Variants in UBN2 observed in about 807,000 individuals in gnomAD.
UBN2 encodes ubinuclein-2.
In UBN2, 35 loss-of-function variants were observed where a neutral mutation model predicts 120.2. The ratio of observed to expected loss-of-function variants is 0.29; its 90% CI spans 0.22 to 0.39. The LOEUF (loss-of-function observed/expected upper bound fraction) is 0.39, where lower values mean the gene tolerates loss of function less well. Among genes scored for constraint, UBN2 ranks in the 10% least tolerant of loss-of-function variants. The pLI is 1.00. For missense variants in UBN2, 1,693 were observed against 1,663.2 expected (o/e 1.02, Z -0.31); for synonymous variants, 661 against 648.7 (o/e 1.02, Z -0.29).
At chr7:139,238,631 C>T (rs779646846) in intron 2 of UBN2, among the ~76,000 whole-genome samples, 2 of 151,910 alleles carry the variant, frequency 1.3e-5, no homozygotes, top group Non-Finnish European at 2.9e-5. Context: ...CATGTTGGCC[C>T]GGCTGGTCTC....
intron 13 of UBN2, among the ~76,000 whole-genome samples, chr7:139,280,249 C>T (rs1248610589): frequency 1.3e-5 from 2 of 152,024 alleles, no homozygotes; most frequent in Non-Finnish European, 2.9e-5. Context: ...GCAGTTAGAT[C>T]CCTAAGACGG....
chr7:139,242,220 GTAGT>G (rs1291608733), intron 2 of UBN2, among the ~76,000 whole-genome samples: 13 of 152,284 alleles, frequency 8.5e-5, no homozygotes, highest in African/African-American at 2.2e-4. Context: ...CTGATACCAA[GTAGT>G]TAGTTTTGAA....
Position 139,300,339 on chromosome 7 carries a change from T to A in UBN2, c.*2503T>A, listed in dbSNP as rs1374497931. The stretch of plus-strand genomic sequence containing the variant: ...GTTGTATGAATCAGTCAAACATCGT[T>A]GTATTTCTGTATAGATAAAGTATGA... On this transcript the variant is annotated 3_prime_UTR_variant, in exon 18 of 18. Coordinates refer to ENST00000473989, the MANE Select transcript of UBN2 (RefSeq NM_173569.4). 1 of 152,092 alleles carries A rather than the reference T, an allele frequency of 6.6e-6. No individual in the cohort carries two copies. Among genetic ancestry groups the A allele is most frequent in the Admixed American group, 6.5e-5 (1 of 15,276 alleles). The allele number at this position is 152,092 out of a possible 1,614,324, so 9.4% of individuals were successfully genotyped here. A position where few individuals can be genotyped will look rare whatever the true frequency, so the allele number is the denominator to read the frequency against.
At chr7:139,319,949 G>A in the UBN2 span, among the ~76,000 whole-genome samples, 5 of 151,566 alleles carry the variant, frequency 3.3e-5, no homozygotes, top group African/African-American at 9.7e-5. Context: ...GGTGGCGGGT[G>A]CCTGTAGTCC....
the UBN2 span, among the ~76,000 whole-genome samples, chr7:139,327,136 C>T: frequency 9.9e-5 from 15 of 152,174 alleles, no homozygotes; most frequent in African/African-American, 2.7e-4. Flanking sequence ...CGGGTTCAAG[C>T]GATTATCCTG....
At chr7:139,313,287 A>G in the UBN2 span, among the ~76,000 whole-genome samples, 2 of 152,152 alleles carry the variant, frequency 1.3e-5, no homozygotes, top group Admixed American at 6.6e-5. Context: ...GTGTCTTCCA[A>G]TAAAGCTTTT....
intron 3 of UBN2, 55 bp from the exon 4 acceptor site, chr7:139,258,433 T>G: frequency 7.2e-7 from 1 of 1,388,084 alleles, no homozygotes; most frequent in Non-Finnish European, 9.5e-7. Context: ...TCTTTGACAT[T>G]TATAGAGTTA....
rs56298671 is a variant in UBN2 at position 139,302,775 on chromosome 7, A to AACACACACAC, written c.*4956_*4965dup. ...TCTGCTTGTAGAAGTTAACAATAAC[A>AACACACACAC]ACACACACACACACACACACACACA... is the stretch of plus-strand genomic sequence containing the variant. On this transcript the variant is annotated 3_prime_UTR_variant, in exon 18 of 18. Transcript: ENST00000473989. 1.7e-4 allele frequency: 26 copies of AACACACACAC among 149,578 alleles called. No individual in the cohort carries two copies. Among genetic ancestry groups the AACACACACAC allele is most frequent in the African/African-American group, 6.1e-4 (25 of 41,000 alleles). The allele number at this position is 149,578 out of a possible 1,614,324, so 9.3% of individuals were successfully genotyped here. A position where few individuals can be genotyped will look rare whatever the true frequency, so the allele number is the denominator to read the frequency against.
chr7:139,274,785 A>G (rs1475765524), intron 11 of UBN2, among the ~76,000 whole-genome samples: 1 of 151,772 alleles, frequency 6.6e-6, no homozygotes, highest in East Asian at 1.9e-4. Context: ...AAGAAAAAGA[A>G]AAAAGAAAAT....
chr7:139,325,636 A>G, the UBN2 span, among the ~76,000 whole-genome samples: 17 of 152,306 alleles, frequency 1.1e-4, no homozygotes, highest in African/African-American at 3.6e-4. Context: ...ACACGCATGT[A>G]TACTCTGATG....
chr7:139,256,652 CAGTT>C lies in UBN2; in HGVS notation c.664-1831_664-1828del, dbSNP rs555615842. On this transcript the variant is annotated intron_variant, in intron 3 of 17. Transcript: ENST00000473989. ...GAGTACAGGTGTTTTTATCTTATCACAGTTAGTTTTCGAAATTATTACTGTCTTT... is the reference window on the plus strand; with the variant it reads ...GAGTACAGGTGTTTTTATCTTATCACAGTTTTCGAAATTATTACTGTCTTT... 1.4e-3 allele frequency among the ~76,000 whole-genome samples: 218 copies of C among 152,262 alleles called. 1 individual carries two copies. Among genetic ancestry groups the C allele is most frequent in the Non-Finnish European group, 2.8e-3 (188 of 68,006 alleles).
the UBN2 span, among the ~76,000 whole-genome samples, chr7:139,323,697 C>T: frequency 6.6e-6 from 1 of 151,872 alleles, no homozygotes; most frequent in South Asian, 2.1e-4. Context: ...TCAAGCAATT[C>T]CCTTGCCTCA....
At chr7:139,297,050 C>T (rs186540087) in intron 17 of UBN2, among the ~76,000 whole-genome samples, 3 of 151,948 alleles carry the variant, frequency 2.0e-5, no homozygotes, top group African/African-American at 4.8e-5. Context: ...AAAAATTAGC[C>T]GGGCATGGTG....
At chr7:139,251,304 T>C (rs1360882635) in intron 2 of UBN2, among the ~76,000 whole-genome samples, 1 of 152,222 alleles carries the variant, frequency 6.6e-6, no homozygotes, top group Non-Finnish European at 1.5e-5. Context: ...TGCAATGTTG[T>C]TGACATCTTG....
Position 139,284,283 on chromosome 7 carries a change from G to C in UBN2, c.3378G>C (p.Leu1126Phe). The change falls in exon 15 of 18, where the codon TTG (leucine) becomes TTC (phenylalanine). Residue 1126 changes from leucine to phenylalanine, a missense_variant. Physicochemically the swap from Leu to Phe is conservative, Grantham distance 22 (BLOSUM62 0). Coordinates refer to ENST00000473989, the MANE Select transcript of UBN2 (RefSeq NM_173569.4). ...ACATCAGCAGACAGTCTCCCACCTT[G>C]AATTTATTGCCCTCTAGTCGCACTT... Reference protein sequence around the residue: ...GMNISRQSPTLNLLPSSRTSG... With the variant: ...GMNISRQSPTFNLLPSSRTSG... 6.2e-7 allele frequency: 1 copy of C among 1,614,086 alleles called. No homozygotes were observed. Among genetic ancestry groups the C allele is most frequent in the Non-Finnish European group, 8.5e-7 (1 of 1,180,020 alleles).
rs921608320 is a variant in UBN2, at chr7:139,307,409, G to A, written c.*9573G>A. 2 of 150,376 alleles carry A rather than the reference G, an allele frequency of 1.3e-5. No individual in the cohort carries two copies. Among genetic ancestry groups the A allele is most frequent in the Non-Finnish European group, 3.0e-5 (2 of 67,766 alleles). The allele number at this position is 150,376 out of a possible 1,614,324, so 9.3% of individuals were successfully genotyped here. A position where few individuals can be genotyped will look rare whatever the true frequency, so the allele number is the denominator to read the frequency against. ...CCTGAAAGATTGTAGCATTTAGTGT[G>A]TCTTAAAAATTATGTACTGTACCAG... On this transcript the variant is annotated 3_prime_UTR_variant, in exon 18 of 18. Coordinates refer to ENST00000473989, the MANE Select transcript of UBN2 (RefSeq NM_173569.4).
chr7:139,296,829 A>G (rs1021370100), intron 17 of UBN2, among the ~76,000 whole-genome samples: 2 of 152,158 alleles, frequency 1.3e-5, no homozygotes, highest in Non-Finnish European at 2.9e-5. Flanking sequence ...ATTTGAGGCT[A>G]TAGTGTGCTA....
the UBN2 span, among the ~76,000 whole-genome samples, chr7:139,317,276 T>C: frequency 6.6e-6 from 1 of 152,054 alleles, no homozygotes; most frequent in Non-Finnish European, 1.5e-5. Context: ...GCTCAACCAG[T>C]CCTCCCACCT....
chr7:139,282,393 A>G (rs1797640629), intron 14 of UBN2, among the ~76,000 whole-genome samples: 1 of 152,248 alleles, frequency 6.6e-6, no homozygotes, highest in Admixed American at 6.5e-5. Context: ...CCCTGCTCAC[A>G]GCGGACACTT....
Sources: allele counts gnomAD v4.1 joint callset (sites outside exome capture counted in the v4.1 genomes callset), GRCh38; gene constraint gnomAD v4.1.1; transcripts MANE v1.5; gene names NCBI Gene and HGNC (gene_info 2026-07-23, HGNC 2026-07-21).